PCNX1: variants seen among roughly 807,000 people sequenced by gnomAD.
PCNX1 encodes the protein pecanex 1.
PCNX1 carries 78 observed loss-of-function variants against 242.2 expected under a neutral mutation model. That is an observed-to-expected ratio of 0.32 (90% CI 0.27 to 0.39). The LOEUF (loss-of-function observed/expected upper bound fraction) is 0.39. PCNX1 is among the 10% of genes least tolerant of loss of function. The probability of loss-of-function intolerance (pLI) is 1.00; values close to 1 mark genes in which losing one functional copy is unlikely to be tolerated. For missense variants in PCNX1, 2,581 were observed against 2,856.5 expected (o/e 0.90, Z 2.20); for synonymous variants, 1,024 against 1,032.9 (o/e 0.99, Z 0.17).
At chr14:71,034,546 A>T (rs887096729) in intron 18 of PCNX1, among the ~76,000 whole-genome samples, 1 of 152,178 alleles carries the variant, frequency 6.6e-6, no homozygotes, top group Non-Finnish European at 1.5e-5. Context: ...GTAATTTTTT[A>T]AATTTTCTAA....
At chr14:71,044,059 G>T (rs1041797683) in intron 19 of PCNX1, among the ~76,000 whole-genome samples, 1 of 152,224 alleles carries the variant, frequency 6.6e-6, no homozygotes, top group Non-Finnish European at 1.5e-5. Context: ...GTGCACGGTA[G>T]TGTACTCTCC....
chr14:70,914,049 A>G (rs141898893), intron 1 of PCNX1, among the ~76,000 whole-genome samples: 12 of 152,300 alleles, frequency 7.9e-5, no homozygotes, highest in African/African-American at 2.6e-4. Context: ...TATATTACCT[A>G]TAATAAATTA....
chr14:70,939,110 G>GT (rs1479164975), intron 1 of PCNX1, among the ~76,000 whole-genome samples: 3 of 152,092 alleles, frequency 2.0e-5, no homozygotes, highest in East Asian at 3.9e-4. Context: ...TTTTTGAAGG[G>GT]TTTTTTGTGT....
chr14:70,956,786 A>C (rs2058011804), intron 2 of PCNX1, among the ~76,000 whole-genome samples: 1 of 152,106 alleles, frequency 6.6e-6, no homozygotes, highest in Admixed American at 6.5e-5. Context: ...CCAGTGACTC[A>C]GTTTATGTTT....
chr14:71,006,006 G>A (rs545574383), intron 8 of PCNX1, among the ~76,000 whole-genome samples: 1 of 149,052 alleles, frequency 6.7e-6, no homozygotes, highest in Non-Finnish European at 1.5e-5. Flanking sequence ...CGCTGCAGCC[G>A]CAACCTCCTA....
chr14:70,914,857 A>G (rs1199593165), intron 1 of PCNX1, among the ~76,000 whole-genome samples: 1 of 152,178 alleles, frequency 6.6e-6, no homozygotes, highest in African/African-American at 2.4e-5. Context: ...GAGTTTTGAT[A>G]AATGCACACG....
rs141484502 is a variant in PCNX1 at position 70,978,524 on chromosome 14, G to A, written c.2187G>A (p.Glu729=). ...CAGATCTTGAGGCCAAAGAGGGAGA[G>A]GTGCTAGATGAGCTATCTTTATTAG... The part of the protein sequence containing the change: ...SKSDLEAKEG[E]VLDELSLLGR... Residue 729 remains glutamate (E), a synonymous_variant, in exon 6 of 36, where the codon GAG becomes GAA. Transcript: ENST00000304743. The A allele has an allele frequency of 8.7e-6, 14 of 1,613,906 alleles. No individual in the cohort carries two copies. In the African/African-American group the frequency reaches 1.9e-4, roughly 22 times the overall value.
At chr14:70,956,913 G>A (rs2058017292) in intron 2 of PCNX1, among the ~76,000 whole-genome samples, 1 of 152,032 alleles carries the variant, frequency 6.6e-6, no homozygotes, top group Non-Finnish European at 1.5e-5. Flanking sequence ...ATTAGGGAAG[G>A]TTTCATCAGA....
chr14:70,994,427 A>ATATATATATATATATATATATGTATG (rs930212552), intron 7 of PCNX1, among the ~76,000 whole-genome samples: 1 of 88,712 alleles, frequency 1.1e-5, no homozygotes, highest in African/African-American at 4.2e-5. Flanking sequence ...ATATATATAT[A>ATATATATATATATATATATATGTATG]TATGTATGTA....
chr14:70,996,056 T>C, intron 8 of PCNX1, 131 bp downstream of exon 8: 1 of 661,592 alleles, frequency 1.5e-6, no homozygotes, highest in Non-Finnish European at 2.6e-6. Flanking sequence ...ACATAGGATT[T>C]ACCCTATGTG....
chr14:70,938,220 G>T (rs1594949728), intron 1 of PCNX1, among the ~76,000 whole-genome samples: 1 of 152,068 alleles, frequency 6.6e-6, no homozygotes, highest in Non-Finnish European at 1.5e-5. Flanking sequence ...GTTTTCAAAG[G>T]GAGTGCTTCC....
chr14:70,931,640 A>G (rs1050282238), intron 1 of PCNX1, among the ~76,000 whole-genome samples: 1 of 152,188 alleles, frequency 6.6e-6, no homozygotes, highest in African/African-American at 2.4e-5. Flanking sequence ...TTTAATTTTT[A>G]GTTCTTTTTC....
At chr14:70,923,151 T>C (rs180974926) in intron 1 of PCNX1, among the ~76,000 whole-genome samples, 1 of 152,314 alleles carries the variant, frequency 6.6e-6, no homozygotes, top group African/African-American at 2.4e-5. Context: ...TGTCCTTTTC[T>C]GAAACGTTGT....
Position 70,994,427 on chromosome 14 carries a change from A to ATATATATATATG in PCNX1, c.2445-1311_2445-1310insATATATATGTAT, listed in dbSNP as rs930212552. Among the ~76,000 whole-genome samples the ATATATATATATG allele has an allele frequency of 5.7e-3, 503 of 88,446 alleles. 3 individuals are homozygous for ATATATATATATG. Among genetic ancestry groups the ATATATATATATG allele is most frequent in the African/African-American group, 9.0e-3 (216 of 23,986 alleles). 58.0% of individuals were successfully genotyped at this position (88,446 alleles called of 152,430 possible). Reference sequence around the variant, plus strand: ...TATATATATATATATATATATATATATATGTATGTATGTATGTTTCAACAT... The same window carrying ATATATATATATG: ...TATATATATATATATATATATATATATATATATATATGTATGTATGTATGTATGTTTCAACAT... On this transcript the variant is annotated intron_variant, in intron 7 of 35. Transcript: ENST00000304743.
chr14:71,026,370 C>A, intron 14 of PCNX1, 82 bp downstream of exon 14: 1 of 842,112 alleles, frequency 1.2e-6, no homozygotes, highest in Non-Finnish European at 1.8e-6. Context: ...ATCAATTATA[C>A]AGCTTTAGTT....
chr14:70,975,832 A>G (rs1188301374), intron 5 of PCNX1, among the ~76,000 whole-genome samples: 1 of 151,750 alleles, frequency 6.6e-6, no homozygotes, highest in African/African-American at 2.4e-5. Context: ...TAAGTCACTA[A>G]TCACTGGTCT....
intron 27 of PCNX1, 84 bp downstream of exon 27, chr14:71,073,882 T>C: frequency 1.1e-6 from 1 of 934,720 alleles, no homozygotes; most frequent in Non-Finnish European, 1.4e-6. Context: ...TATATGTATA[T>C]ACTTTTTTTT....
intron 1 of PCNX1, among the ~76,000 whole-genome samples, chr14:70,946,591 A>G (rs1405794501): frequency 6.6e-6 from 1 of 152,254 alleles, no homozygotes; most frequent in African/African-American, 2.4e-5. Context: ...TTATTTGACC[A>G]GTATAATCTA....
intron 5 of PCNX1, among the ~76,000 whole-genome samples, chr14:70,973,812 C>T (rs2058611165): frequency 6.6e-6 from 1 of 151,864 alleles, no homozygotes; most frequent in Non-Finnish European, 1.5e-5. Flanking sequence ...AAATTTAGAC[C>T]TCTGCCACTG....
Sources: gnomAD v4.1 joint callset for allele counts (sites outside exome capture counted in the v4.1 genomes callset) on GRCh38, gnomAD v4.1.1 for gene constraint, MANE v1.5 for transcripts, NCBI Gene and HGNC (gene_info 2026-07-23, HGNC 2026-07-21) for gene names.